Variants in RTL1 observed in about 807,000 individuals in gnomAD.
RTL1 encodes the protein retrotransposon-like protein 1.
For missense variants in RTL1, 1,681 were observed against 1,767.5 expected (o/e 0.95, Z 0.88); for synonymous variants, 727 against 748.4 (o/e 0.97, Z 0.47).
At chr14:100,897,768 G>A in intron 2 of RTL1, 1 of 156,956 alleles carries the variant, frequency 6.4e-6, no homozygotes, top group Non-Finnish European at 1.3e-5. Flanking sequence ...GGGGGTGGGG[G>A]GGTGGGGGGC....
In RTL1 at chr14:100,884,186, G is replaced by T. The variant is rs890386889; in HGVS notation, c.603C>A (p.Pro201=). The T allele has an allele frequency of 6.4e-7, 1 of 1,551,702 alleles. No homozygotes were observed. Among genetic ancestry groups the T allele is most frequent in the African/African-American group, 1.4e-5 (1 of 73,176 alleles). The part of the protein sequence containing the change: ...LIKGINAGQL[P]APKHFSGDRR... ...GATCGCCAGAGAAGTGCTTTGGGGC[G>T]GGCAGTTGGCCTGCATTGATCCCTT... is the stretch of plus-strand genomic sequence containing the variant. The change falls in exon 4 of 4, where the codon CCC becomes CCA. Residue 201 remains proline (P), a synonymous_variant. Transcript: ENST00000649591.
Position 100,883,184 on chromosome 14 carries a change from G to A in RTL1, c.1605C>T (p.Phe535=), listed in dbSNP as rs1190242684. ...GGGCAATGCATGGCGGGGGCGGGCG[G>A]AAGCAGTTCTTCAGGCAGTAGGGAG... ...FHSPYCLKNC[F]RPPPPCIALE... The change falls in exon 4 of 4, where the codon TTC becomes TTT. Residue 535 remains phenylalanine (F), a synonymous_variant. Transcript: ENST00000649591. The surrounding 1 kb of genome is among the most constrained non-coding windows in gnomAD (Gnocchi z 5.9). 9 of 1,570,956 alleles carry A rather than the reference G, an allele frequency of 5.7e-6. No individual in the cohort carries two copies. Among genetic ancestry groups the A allele is most frequent in the Non-Finnish European group, 7.8e-6 (9 of 1,155,462 alleles).
At chr14:100,888,346 T>A (rs1387926087) in intron 3 of RTL1, among the ~76,000 whole-genome samples, 1 of 152,248 alleles carries the variant, frequency 6.6e-6, no homozygotes, top group Non-Finnish European at 1.5e-5. Flanking sequence ...CTTCATTGCC[T>A]GTAACATAAA....
rs1017833094 is a variant in RTL1 at position 100,903,282 on chromosome 14, T to C, written c.-149+9A>G. Among the ~76,000 whole-genome samples, 1 of 152,042 alleles carries C rather than the reference T, an allele frequency of 6.6e-6. No individual in the cohort carries two copies. The highest frequency in any genetic ancestry group is 6.5e-5 in the Admixed American group (1 of 15,270). On this transcript the variant is annotated intron_variant, in intron 2 of 3. Transcript: ENST00000649591. ...GCACTCATTCTCCAAGCCACCACAG[T>C]GTACCTACCTTCCCCGGGCCCAGTC... is the stretch of plus-strand genomic sequence containing the variant.
chr14:100,880,796 G>T lies in RTL1; in HGVS notation c.3993C>A (p.Pro1331=). The T allele has an allele frequency of 3.2e-6, 5 of 1,550,614 alleles. No homozygotes were observed. The highest frequency in any genetic ancestry group is 4.4e-6 in the Non-Finnish European group (5 of 1,146,938). ...TGGGCTGGCTCTCCCAGGCGGGGATGGGCAGGGCCCGCCTGTAGATCAGGG... is the reference window on the plus strand; with the variant it reads ...TGGGCTGGCTCTCCCAGGCGGGGATTGGCAGGGCCCGCCTGTAGATCAGGG... The part of the protein sequence containing the change: ...FLTLIYRRAL[P]IPAWESQPRE... The change falls in exon 4 of 4, where the codon CCC becomes CCA. Residue 1331 remains proline, a synonymous_variant. Transcript: ENST00000649591.
intron 2 of RTL1, among the ~76,000 whole-genome samples, chr14:100,896,739 A>G (rs1172987826): frequency 6.6e-6 from 1 of 152,172 alleles, no homozygotes; most frequent in Admixed American, 6.5e-5. Flanking sequence ...CCTCTGGGTT[A>G]GAGTCGGGAA....
At position 100,880,990 on chromosome 14, in the gene RTL1, C is replaced by T. The variant is rs753999192; in HGVS notation, c.3799G>A (p.Ala1267Thr). ...QDKQDNDVQE[A>T]PPSHTAATHP... is the part of the protein sequence containing the mutation. ...GTGGCTGCTGTGTGGCTGGGTGGGG[C>T]CTCCTGCACGTCGTTGTCCTGCTTG... The change falls in exon 4 of 4, where the codon GCC becomes ACC. Residue 1267 changes from alanine (A) to threonine (T), a missense_variant. Coordinates refer to ENST00000649591, the MANE Select transcript of RTL1 (RefSeq NM_001134888.3). 6.4e-7 allele frequency: 1 copy of T among 1,562,238 alleles called. No individual in the cohort carries two copies. Among genetic ancestry groups the T allele is most frequent in the Non-Finnish European group, 8.7e-7 (1 of 1,154,098 alleles).
In RTL1 at chr14:100,883,086, G is replaced by C. The variant is rs748097778; in HGVS notation, c.1703C>G (p.Pro568Arg). Residue 568 changes from proline (P) to arginine (R), a missense_variant, in exon 4 of 4, where the codon CCG becomes CGG. Physicochemically the swap from Pro to Arg is moderately radical, Grantham distance 103. Coordinates refer to ENST00000649591, the MANE Select transcript of RTL1 (RefSeq NM_001134888.3). The surrounding 1 kb of genome is among the most constrained non-coding windows in gnomAD (Gnocchi z 5.9). Reference protein sequence around the residue: ...PYSDLADVFNPKEADDETSDQ... With the variant: ...PYSDLADVFNRKEADDETSDQ... The stretch of plus-strand genomic sequence containing the variant: ...GGAAGTCTCATCATCTGCTTCCTTC[G>C]GGTTAAACACGTCGGCCAGGTCTGA... 5 of 1,613,848 alleles carry C rather than the reference G, an allele frequency of 3.1e-6. No homozygotes were observed. In the African/African-American group the frequency reaches 5.3e-5, roughly 17 times the overall value.
Position 100,883,664 on chromosome 14 carries a change from G to T in RTL1, c.1125C>A (p.Arg375=). Residue 375 remains arginine, a synonymous_variant, in exon 4 of 4, where the codon CGC becomes CGA. Transcript: ENST00000649591. The surrounding 1 kb of genome is among the most constrained non-coding windows in gnomAD (Gnocchi z 5.9). Reference sequence around the variant, plus strand: ...AGTCGATCCAGGTCAGGTTCCGGGGGCGGGCCTCGGGGGGCAGCCTGAGCA... The same window carrying T: ...AGTCGATCCAGGTCAGGTTCCGGGGTCGGGCCTCGGGGGGCAGCCTGAGCA... ...RAMLRLPPEA[R]PRNLTWIDSP... The T allele has an allele frequency of 6.4e-7, 1 of 1,551,574 alleles. No individual in the cohort carries two copies.
Position 100,884,021 on chromosome 14 carries a change from T to C in RTL1, c.768A>G (p.Leu256=). The change falls in exon 4 of 4, where the codon CTA becomes CTG. Residue 256 remains leucine, a synonymous_variant. Coordinates refer to ENST00000649591, the MANE Select transcript of RTL1 (RefSeq NM_001134888.3). The part of the protein sequence containing the change: ...SGLALEWAKA[L]LQENSPLIGD... ...CGATCAGGGGGCTGTTTTCCTGCAG[T>C]AGAGCTTTGGCCCATTCTAATGCCA... is the stretch of plus-strand genomic sequence containing the variant. 4 of 1,551,750 alleles carry C rather than the reference T, an allele frequency of 2.6e-6. No homozygotes were observed. Among genetic ancestry groups the C allele is most frequent in the Admixed American group, 2.0e-5 (1 of 51,014 alleles).
Position 100,893,429 on chromosome 14 carries a change from T to C in RTL1, c.-87+15A>G, listed in dbSNP as rs1456960437. ...CTGGGGGAGGTCGACATGGGACCTC[T>C]GCCCCACATCTTACCTTGGCTGCAA... On this transcript the variant is annotated intron_variant, in intron 3 of 3. Coordinates refer to ENST00000649591, the MANE Select transcript of RTL1 (RefSeq NM_001134888.3). This position sits in a 1 kb window ranked among gnomAD's most constrained non-coding sequence, Gnocchi z 4.2. Among the ~76,000 whole-genome samples, 1 of 152,188 alleles carries C rather than the reference T, an allele frequency of 6.6e-6. No homozygotes were observed. Among genetic ancestry groups the C allele is most frequent in the Non-Finnish European group, 1.5e-5 (1 of 68,034 alleles).
Position 100,880,593 on chromosome 14 carries a change from G to T in RTL1, c.*119C>A. ...TGCCCTTCACAAGTGGGTTCCTCTT[G>T]GGTCAGGAGTGGCAGGAAGGGAAGC... On this transcript the variant is annotated 3_prime_UTR_variant, in exon 4 of 4. Coordinates refer to ENST00000649591, the MANE Select transcript of RTL1 (RefSeq NM_001134888.3). The T allele has an allele frequency of 6.7e-7, 1 of 1,481,600 alleles. No homozygotes were observed. Among genetic ancestry groups the T allele is most frequent in the Non-Finnish European group, 8.9e-7 (1 of 1,118,306 alleles). 91.8% of individuals were successfully genotyped at this position (1,481,600 alleles called of 1,614,324 possible).
chr14:100,888,317 T>C (rs1215701053), intron 3 of RTL1, among the ~76,000 whole-genome samples: 12 of 152,240 alleles, frequency 7.9e-5, no homozygotes, highest in East Asian at 1.9e-4. Context: ...ACTTCTCAAC[T>C]TAAAACTTCT....
chr14:100,902,443 C>T (rs569867844), intron 2 of RTL1, among the ~76,000 whole-genome samples: 1 of 152,354 alleles, frequency 6.6e-6, no homozygotes, highest in African/African-American at 2.4e-5. Context: ...TGGTGCTCCC[C>T]TCCTGGGGCC....
chr14:100,896,100 A>G (rs946480875), intron 2 of RTL1, among the ~76,000 whole-genome samples: 6 of 152,120 alleles, frequency 3.9e-5, no homozygotes, highest in African/African-American at 1.4e-4. Context: ...AAAAATTGCA[A>G]AACTATAGCA....
Position 100,881,711 on chromosome 14 carries a change from T to G in RTL1, c.3078A>C (p.Pro1026=). 6.3e-7 allele frequency: 1 copy of G among 1,589,698 alleles called. No individual in the cohort carries two copies. Among genetic ancestry groups the G allele is most frequent in the African/African-American group, 1.3e-5 (1 of 74,384 alleles). ...TCTCTTCTTCCCCGGATTCCGTCGA[T>G]GGATCCCTGGGGAATCCCCTTGAGG... ...LLASRGFPRD[P]STESGEEENE... The change falls in exon 4 of 4, where the codon CCA becomes CCC. Residue 1026 remains proline (P), a synonymous_variant. Transcript: ENST00000649591. The surrounding 1 kb of genome is among the most constrained non-coding windows in gnomAD (Gnocchi z 6.6).
chr14:100,883,539 ACT>A lies in RTL1; in HGVS notation c.1248_1249del (p.Arg416SerfsTer18). 6.4e-7 allele frequency: 1 copy of A among 1,551,388 alleles called. No individual in the cohort carries two copies. Among genetic ancestry groups the A allele is most frequent in the Non-Finnish European group, 8.7e-7 (1 of 1,146,958 alleles). ...GACCGCGACGCTGTGGTAGGGGTTC[ACT>A]CTCACCATGAGCAGCAGGAAGAGGT... On this transcript the variant is annotated frameshift_variant, in exon 4 of 4. Transcript: ENST00000649591. LOFTEE classifies it low-confidence loss of function (END_TRUNC). The surrounding 1 kb of genome is among the most constrained non-coding windows in gnomAD (Gnocchi z 5.9).
In RTL1 at chr14:100,903,444, G is replaced by T. The variant is rs143675300; in HGVS notation, c.-244-58C>A. Among the ~76,000 whole-genome samples the T allele has an allele frequency of 1.2e-3, 179 of 152,290 alleles. 1 individual carries two copies. The highest frequency in any genetic ancestry group is 6.8e-3 in the Middle Eastern group (2 of 294). ...TGGAAATTGAGGTGATCAAGAGGGG[G>T]TGCAGGCATGGAGATTTATGGAGCC... On this transcript the variant is annotated intron_variant, in intron 1 of 3. Coordinates refer to ENST00000649591, the MANE Select transcript of RTL1 (RefSeq NM_001134888.3).
intron 2 of RTL1, chr14:100,898,915 T>C (rs957384258): frequency 2.6e-5 from 4 of 152,288 alleles, no homozygotes; most frequent in East Asian, 1.9e-4. Context: ...TTGATGAAAC[T>C]GGTCAACTGT....
Sources: allele counts gnomAD v4.1 joint callset (sites outside exome capture counted in the v4.1 genomes callset), GRCh38; gene constraint gnomAD v4.1.1; non-coding constraint Gnocchi (gnomAD v3.1); transcripts MANE v1.5; gene names NCBI Gene and HGNC (gene_info 2026-07-23, HGNC 2026-07-21).